CDH4: variants seen among roughly 807,000 people sequenced by gnomAD.
CDH4 encodes the protein cadherin 4.
A neutral mutation model predicts 86.0 loss-of-function variants in CDH4; 33 were observed. The observed-to-expected ratio is 0.38, with a 90% CI of 0.29 to 0.51. CDH4 has a LOEUF of 0.51. CDH4 is among the 20% of genes least tolerant of loss of function. CDH4 has a pLI of 0.86. For synonymous variants in CDH4, 555 were observed against 549.4 expected (o/e 1.01, Z -0.14); for missense variants, 1,114 against 1,307.4 (o/e 0.85, Z 2.28).
intron 2 of CDH4, among the ~76,000 whole-genome samples, chr20:61,682,382 TGATGGATGGATA>T (rs1258050155): frequency 1.6e-5 from 2 of 126,030 alleles, no homozygotes; most frequent in African/African-American, 3.2e-5. Flanking sequence ...GGTGGATGGA[TGATGGATGGATA>T]GATGGATGGA....
At chr20:61,340,013 A>G (rs1195826047) in intron 2 of CDH4, among the ~76,000 whole-genome samples, 1 of 152,216 alleles carries the variant, frequency 6.6e-6, no homozygotes, top group Non-Finnish European at 1.5e-5. Flanking sequence ...GTTTAAGATG[A>G]TGAGTTAATT....
chr20:61,743,970 C>T (rs975611295), intron 3 of CDH4, among the ~76,000 whole-genome samples, 181 bp downstream of exon 3: 17 of 152,208 alleles, frequency 1.1e-4, no homozygotes, highest in African/African-American at 2.7e-4. Context: ...GAGGCAGGGC[C>T]GTCATTGCGG....
At chr20:61,294,953 A>G (rs2084344202) in intron 2 of CDH4, among the ~76,000 whole-genome samples, 1 of 152,224 alleles carries the variant, frequency 6.6e-6, no homozygotes, top group African/African-American at 2.4e-5. Flanking sequence ...CTCTGCCCCA[A>G]AAACACGGCT....
At chr20:61,267,229 G>T (rs564785300) in intron 2 of CDH4, among the ~76,000 whole-genome samples, 2 of 152,308 alleles carry the variant, frequency 1.3e-5, no homozygotes, top group East Asian at 3.9e-4. Flanking sequence ...CAGTCACAGG[G>T]AACGAATCCA....
chr20:61,779,059 G>T (rs372967393), intron 4 of CDH4, among the ~76,000 whole-genome samples: 281 of 152,308 alleles, frequency 1.8e-3, no homozygotes, highest in South Asian at 9.3e-3. Context: ...ATTCTTAAAG[G>T]GTTTTAAAAC....
chr20:61,721,573 A>G (rs1451919391), intron 2 of CDH4, among the ~76,000 whole-genome samples: 1 of 152,224 alleles, frequency 6.6e-6, no homozygotes. Flanking sequence ...TTAAAAAACA[A>G]TTCTTTATCA....
At chr20:61,312,556 C>G (rs1207232376) in intron 2 of CDH4, among the ~76,000 whole-genome samples, 1 of 152,096 alleles carries the variant, frequency 6.6e-6, no homozygotes, top group African/African-American at 2.4e-5. Flanking sequence ...CCTGCAGTCC[C>G]CACCATCAGG....
intron 2 of CDH4, among the ~76,000 whole-genome samples, chr20:61,333,361 A>G (rs1343311871): frequency 2.6e-5 from 4 of 152,192 alleles, no homozygotes; most frequent in Non-Finnish European, 5.9e-5. Context: ...GAGTCATAGA[A>G]ACCTCAATTC....
At chr20:61,547,603 T>C (rs969474614) in intron 2 of CDH4, among the ~76,000 whole-genome samples, 2 of 152,006 alleles carry the variant, frequency 1.3e-5, no homozygotes, top group Non-Finnish European at 2.9e-5. Flanking sequence ...GGGGGGATAC[T>C]GCCAAATACA....
intron 2 of CDH4, among the ~76,000 whole-genome samples, chr20:61,650,409 A>C (rs1413805155): frequency 1.3e-5 from 2 of 152,240 alleles, no homozygotes; most frequent in Non-Finnish European, 2.9e-5. Flanking sequence ...TGTCTTCTCT[A>C]ATGGGCTGTA....
intron 2 of CDH4, among the ~76,000 whole-genome samples, chr20:61,600,695 T>C (rs1445832924): frequency 3.3e-5 from 5 of 152,256 alleles, no homozygotes; most frequent in South Asian, 2.1e-4. Context: ...TAAGAAGGCA[T>C]AGTATATGCA....
intron 4 of CDH4, among the ~76,000 whole-genome samples, chr20:61,831,497 G>T (rs1189564501): frequency 6.6e-6 from 1 of 152,250 alleles, no homozygotes; most frequent in Non-Finnish European, 1.5e-5. Context: ...CCACAGCCAG[G>T]CCTGACACCC....
intron 11 of CDH4, among the ~76,000 whole-genome samples, chr20:61,927,851 C>G (rs1176336732): frequency 6.6e-6 from 1 of 151,972 alleles, no homozygotes; most frequent in Non-Finnish European, 1.5e-5. Flanking sequence ...TGTGCTCTGC[C>G]GTGTCTGTTG....
chr20:61,588,376 C>T (rs1236408448), intron 2 of CDH4, among the ~76,000 whole-genome samples: 5 of 152,198 alleles, frequency 3.3e-5, no homozygotes, highest in Non-Finnish European at 5.9e-5. Context: ...CTGGGCACAG[C>T]GGGAGAGAGG....
intron 2 of CDH4, among the ~76,000 whole-genome samples, chr20:61,548,986 G>T (rs959991926): frequency 1.3e-5 from 2 of 151,980 alleles, no homozygotes; most frequent in African/African-American, 2.4e-5. Context: ...CGGGTCTCGG[G>T]GGGAGAGGCG....
At chr20:61,629,384 A>C (rs1018399467) in intron 2 of CDH4, among the ~76,000 whole-genome samples, 1 of 118,402 alleles carries the variant, frequency 8.4e-6, no homozygotes, top group Non-Finnish European at 1.7e-5. Context: ...CTGATGCCAG[A>C]AATGAAATAA....
chr20:61,325,165 AAG>A (rs1240480230), intron 2 of CDH4, among the ~76,000 whole-genome samples: 1 of 152,138 alleles, frequency 6.6e-6, no homozygotes, highest in Non-Finnish European at 1.5e-5. Context: ...GCCATCTGGA[AAG>A]AGTGGACGGC....
intron 2 of CDH4, among the ~76,000 whole-genome samples, chr20:61,375,941 TGCTGGTGGTGGTC>T (rs1568819224): frequency 2.2e-3 from 9 of 4,102 alleles, no homozygotes; most frequent in Non-Finnish European, 2.7e-3. Context: ...ATGATGGTGG[TGCTGGTGGTGGTC>T]ATAGCACTGG....
chr20:61,593,517 A>G (rs12329628), intron 2 of CDH4, among the ~76,000 whole-genome samples: 8,551 of 152,274 alleles, frequency 0.056, 434 homozygotes, highest in African/African-American at 0.13. Context: ...CACTTGCTAT[A>G]TTCCAGTTTC....
Sources: allele counts gnomAD v4.1 joint callset (sites outside exome capture counted in the v4.1 genomes callset), GRCh38; gene constraint gnomAD v4.1.1; transcripts MANE v1.5; gene names NCBI Gene and HGNC (gene_info 2026-07-23, HGNC 2026-07-21).